TEX11: variants seen among roughly 807,000 people sequenced by gnomAD.
The protein encoded by TEX11 is testis-expressed protein 11.
TEX11 carries 7 observed loss-of-function variants against 84.4 expected under a neutral mutation model. That is an observed-to-expected ratio of 0.08 (90% CI 0.05 to 0.16). TEX11 has a LOEUF of 0.16. Ranked by LOEUF, TEX11 falls within the 10% of genes least tolerant of loss-of-function variation. The pLI is 1.00. For synonymous variants in TEX11, 264 were observed against 222.8 expected (o/e 1.18, Z -1.64); for missense variants, 551 against 660.5 (o/e 0.83, Z 1.82).
intron 13 of TEX11, among the ~76,000 whole-genome samples, chrX:70,699,790 C>T (rs1053653120): frequency 4.5e-5 from 5 of 111,154 alleles, no homozygotes; most frequent in African/African-American, 1.6e-4. Context: ...GCTTGAGATA[C>T]CTTTTATCAT....
At chrX:70,733,418 A>C (rs2090670379) in intron 11 of TEX11, among the ~76,000 whole-genome samples, 1 of 112,041 alleles carries the variant, frequency 8.9e-6, no homozygotes, top group African/African-American at 3.2e-5. Flanking sequence ...CAAAGGGCTA[A>C]TATCCAGAAT....
intron 22 of TEX11, 21 bp from the exon 23 acceptor site, chrX:70,607,050 A>T (rs766490493): frequency 3.6e-6 from 4 of 1,124,922 alleles, no homozygotes; most frequent in South Asian, 4.0e-5. Context: ...ACATGAAATA[A>T]CATAATAATA....
chrX:70,744,076 TA>T, intron 10 of TEX11, 88 bp downstream of exon 10: 1 of 474,028 alleles, frequency 2.1e-6, no homozygotes, highest in Non-Finnish European at 3.1e-6. Context: ...AATCTACTCA[TA>T]AATGGGGAGT....
chrX:70,671,352 T>C lies in TEX11; in HGVS notation c.1243-838A>G, dbSNP rs1403972690. Reference sequence around the variant, plus strand: ...TTAAGAATAGGAGCCATTAGGACCTTCAAGGAATAAAACACCCTCTTCAAC... The same window carrying C: ...TTAAGAATAGGAGCCATTAGGACCTCCAAGGAATAAAACACCCTCTTCAAC... On this transcript the variant is annotated intron_variant, in intron 15 of 29. Transcript: ENST00000374333. 2.7e-5 allele frequency among the ~76,000 whole-genome samples: 3 copies of C among 111,222 alleles called. No individual in the cohort carries two copies. In the East Asian group the frequency reaches 8.4e-4, roughly 31 times the overall value.
chrX:70,756,172 C>A (rs1225173258), intron 9 of TEX11, among the ~76,000 whole-genome samples: 1 of 112,806 alleles, frequency 8.9e-6, no homozygotes, highest in Non-Finnish European at 1.9e-5. Flanking sequence ...GTAGATTCCA[C>A]CTTTGTGGGC....
chrX:70,625,473 C>G (rs747477152), intron 18 of TEX11, among the ~76,000 whole-genome samples: 91 of 111,719 alleles, frequency 8.1e-4, no homozygotes, highest in African/African-American at 2.8e-3. Flanking sequence ...GCTGCTTCCA[C>G]TGAAGCCCTC....
chrX:70,877,431 A>G (rs2091661551), intron 3 of TEX11, among the ~76,000 whole-genome samples: 1 of 112,094 alleles, frequency 8.9e-6, no homozygotes, highest in African/African-American at 3.2e-5. Flanking sequence ...CTACTAATAG[A>G]AATGTAAAAT....
Position 70,605,483 on chromosome X carries a change from A to G in TEX11, c.1985T>C (p.Leu662Pro), listed in dbSNP as rs756919847. 3 of 1,206,932 alleles carry G rather than the reference A, an allele frequency of 2.5e-6. No individual in the cohort carries two copies. The African/African-American group carries it at 5.2e-5, about 21-fold the overall frequency. ...SQFCPSDQVI[L>P]IARKTCLLMA... ...AAGTAAACATGTTTTCCGTGCAATCAGAATTACTTGATCAGAAGGACAAAA... is the reference window on the plus strand; with the variant it reads ...AAGTAAACATGTTTTCCGTGCAATCGGAATTACTTGATCAGAAGGACAAAA... The change falls in exon 24 of 30, where the codon CTG becomes CCG. Residue 662 changes from leucine (L) to proline (P), a missense_variant. By Grantham distance (98) the Leu-to-Pro change is moderately conservative. Coordinates refer to ENST00000374333, the MANE Select transcript of TEX11 (RefSeq NM_031276.3).
rs546559885 is a variant in TEX11, at chrX:70,834,868, C to T, written c.526-1275G>A. 6.3e-5 allele frequency among the ~76,000 whole-genome samples: 7 copies of T among 110,338 alleles called. No homozygotes were observed. In the East Asian group the frequency reaches 1.1e-3, roughly 18 times the overall value. ...GCTATTTTCTTTCTTCTCTTCTTTA[C>T]GTGGTGTCAAATATTATTGTGCTTT... On this transcript the variant is annotated intron_variant, in intron 7 of 29. Transcript: ENST00000374333.
chrX:70,644,305 T>C (rs1289733834), intron 17 of TEX11, among the ~76,000 whole-genome samples: 4 of 106,713 alleles, frequency 3.7e-5, no homozygotes, highest in East Asian at 6.0e-4. Flanking sequence ...GAAATAGGAA[T>C]GCTTTTACAC....
At chrX:70,797,034 C>T (rs1182591934) in intron 9 of TEX11, among the ~76,000 whole-genome samples, 2 of 112,195 alleles carry the variant, frequency 1.8e-5, no homozygotes, top group African/African-American at 6.5e-5. Flanking sequence ...TTAGTTCAGC[C>T]ACTGTGGAAA....
the TEX11 span, among the ~76,000 whole-genome samples, chrX:70,513,219 G>A: frequency 6.6e-5 from 7 of 106,066 alleles, no homozygotes; most frequent in African/African-American, 2.5e-4. Context: ...CAGGCGTGGT[G>A]GGGGGTGCCT....
Position 70,724,325 on chromosome X carries a change from T to G in TEX11, c.925+937A>C, listed in dbSNP as rs776971158. The G allele has an allele frequency of 1.1e-4, 56 of 511,279 alleles. No homozygotes were observed. In the Middle Eastern group the frequency reaches 4.8e-3, roughly 44 times the overall value. 42.1% of individuals were successfully genotyped at this position (511,279 alleles called of 1,213,427 possible). On this transcript the variant is annotated intron_variant, in intron 12 of 29. Coordinates refer to ENST00000374333, the MANE Select transcript of TEX11 (RefSeq NM_031276.3). Reference sequence around the variant, plus strand: ...AGAGATGCAGAATCCCCAATACATTTGAGCTTCTGAGGTCTCTTAAGTGAT... The same window carrying G: ...AGAGATGCAGAATCCCCAATACATTGGAGCTTCTGAGGTCTCTTAAGTGAT...
chrX:70,898,791 G>C (rs1874463981), intron 2 of TEX11, among the ~76,000 whole-genome samples: 1 of 110,395 alleles, frequency 9.1e-6, no homozygotes, highest in South Asian at 3.9e-4. Flanking sequence ...ATTTTTAGTA[G>C]AGACGGGGTT....
At chrX:70,826,584 G>T (rs1419274491) in intron 8 of TEX11, among the ~76,000 whole-genome samples, 2 of 112,058 alleles carry the variant, frequency 1.8e-5, no homozygotes, top group Non-Finnish European at 3.8e-5. Context: ...TGCAGAGAGA[G>T]AATCTGTGCA....
chrX:70,692,780 A>G (rs143177819), intron 13 of TEX11, among the ~76,000 whole-genome samples: 1,185 of 111,158 alleles, frequency 0.011, 6 homozygotes, highest in Middle Eastern at 0.028. Flanking sequence ...TGTAATCAAC[A>G]TGGGAGTGAA....
chrX:70,761,382 T>A (rs1249465127), intron 9 of TEX11, among the ~76,000 whole-genome samples: 1 of 111,962 alleles, frequency 8.9e-6, no homozygotes, highest in Non-Finnish European at 1.9e-5. Context: ...AATGATAGAC[T>A]GGATTAAGAA....
intron 25 of TEX11, among the ~76,000 whole-genome samples, chrX:70,556,688 G>C (rs1261103381): frequency 1.8e-5 from 2 of 111,309 alleles, no homozygotes; most frequent in Non-Finnish European, 3.8e-5. Context: ...TTGAGTATTT[G>C]TTGACCTATT....
chrX:70,747,275 A>C lies in TEX11; in HGVS notation c.693-3056T>G, dbSNP rs1433479685. On this transcript the variant is annotated intron_variant, in intron 9 of 29. Transcript: ENST00000374333. ...CAGCACAACCTTTAGCCAGTAAGTG[A>C]ACTATGTGGATGCAGGGGTGACTCC... Among the ~76,000 whole-genome samples the C allele has an allele frequency of 2.7e-5, 3 of 112,261 alleles. No individual in the cohort carries two copies. In the Admixed American group the frequency reaches 2.8e-4, roughly 11 times the overall value.
Sources: allele counts gnomAD v4.1 joint callset (sites outside exome capture counted in the v4.1 genomes callset), GRCh38; gene constraint gnomAD v4.1.1; transcripts MANE v1.5; gene names NCBI Gene and HGNC (gene_info 2026-07-23, HGNC 2026-07-21).